The following PCDHA5 variants were observed in gnomAD, a reference collection of about 807,000 sequenced individuals.
PCDHA5 encodes the protein protocadherin alpha 5, also known as protocadherin alpha-5.
A neutral mutation model predicts 61.6 loss-of-function variants in PCDHA5; 43 were observed. The ratio of observed to expected loss-of-function variants is 0.70; its 90% confidence interval spans 0.55 to 0.90. The LOEUF is 0.90. Ranked by LOEUF, PCDHA5 falls within the 40% of genes least tolerant of loss-of-function variation. The pLI is 0.00. For missense variants in PCDHA5, 1,298 were observed against 1,222.7 expected, an observed-to-expected ratio of 1.06 and a Z score of -0.92; for synonymous variants, 627 against 543.9, an observed-to-expected ratio of 1.15 and a Z score of -2.13.
chr5:140,920,858 A>AG (rs2079893810), intron 1 of PCDHA5, among the ~76,000 whole-genome samples: 1 of 151,604 alleles, frequency 6.6e-6, no homozygotes, highest in African/African-American at 2.4e-5. Context: ...AAAAAAAAAA[A>AG]CAAACAAACT....
chr5:140,866,911 G>C (rs1359822435), intron 1 of PCDHA5: 4 of 152,102 alleles, frequency 2.6e-5, no homozygotes, highest in African/African-American at 9.7e-5. Context: ...GATCCTCAAA[G>C]ATGAGTTCAA....
intron 1 of PCDHA5, chr5:140,835,670 C>A: frequency 6.2e-7 from 1 of 1,613,852 alleles, no homozygotes; most frequent in Non-Finnish European, 8.5e-7. Flanking sequence ...CCGCGCGGGA[C>A]GGGGGCTCGC....
At position 140,883,630 on chromosome 5, in the gene PCDHA5, G is replaced by A. The variant is rs1424400219; in HGVS notation, c.2352+59503G>A. Reference sequence around the variant, plus strand: ...CCGACGTGAACGACAACGCGCCGGCGTTCGCGCAGCCCGAGTACACGGTGT... The same window carrying A: ...CCGACGTGAACGACAACGCGCCGGCATTCGCGCAGCCCGAGTACACGGTGT... On this transcript the variant is annotated intron_variant, in intron 1 of 3. Coordinates refer to ENST00000529859, the MANE Select transcript of PCDHA5 (RefSeq NM_018908.3). 3 of 1,613,848 alleles carry A rather than the reference G, an allele frequency of 1.9e-6. No individual in the cohort carries two copies. In the African/African-American group the frequency reaches 4.0e-5, roughly 22 times the overall value.
intron 1 of PCDHA5, among the ~76,000 whole-genome samples, chr5:140,898,022 T>A (rs1235447722): frequency 6.6e-6 from 1 of 152,202 alleles, no homozygotes; most frequent in Non-Finnish European, 1.5e-5. Flanking sequence ...CTTTGCCCAC[T>A]TTTTGATGGG....
At chr5:140,882,947 C>G in intron 1 of PCDHA5, 1 of 1,614,162 alleles carries the variant, frequency 6.2e-7, no homozygotes, top group Non-Finnish European at 8.5e-7. Context: ...TGGCACAGTT[C>G]AGCTGCTCAT....
At chr5:140,960,148 T>C (rs782110022) in intron 1 of PCDHA5, among the ~76,000 whole-genome samples, 16 of 152,198 alleles carry the variant, frequency 1.1e-4, no homozygotes, top group Admixed American at 4.6e-4. Context: ...ATTAATAGCT[T>C]GAGACTGATA....
Position 140,821,671 on chromosome 5 carries a change from C to T in PCDHA5, c.-105C>T. ...CCATTTTTGGCTGTGCCAAGAAGCT[C>T]AGAAAGGCGATAATATAAAAAATAT... is the stretch of plus-strand genomic sequence containing the variant. On this transcript the variant is annotated 5_prime_UTR_variant, in exon 1 of 4. Transcript: ENST00000529859. 3 of 1,291,108 alleles carry T rather than the reference C, an allele frequency of 2.3e-6. No homozygotes were observed. The highest frequency in any genetic ancestry group is 3.2e-6 in the Non-Finnish European group (3 of 939,070). 80.0% of individuals were successfully genotyped at this position (1,291,108 alleles called of 1,614,324 possible).
chr5:140,985,465 A>T (rs1195143465), intron 3 of PCDHA5, among the ~76,000 whole-genome samples: 1 of 152,126 alleles, frequency 6.6e-6, no homozygotes, highest in Non-Finnish European at 1.5e-5. Flanking sequence ...TGCTCCAAAA[A>T]ATTTGGTTGT....
At chr5:140,895,968 G>C (rs190056652) in intron 1 of PCDHA5, among the ~76,000 whole-genome samples, 4 of 151,938 alleles carry the variant, frequency 2.6e-5, no homozygotes, top group African/African-American at 4.8e-5. Flanking sequence ...CTGTCACCAG[G>C]CCTAGCTAAT....
rs559337177 is a variant in PCDHA5 at position 140,853,682 on chromosome 5, A to G, written c.2352+29555A>G. On this transcript the variant is annotated intron_variant, in intron 1 of 3. Transcript: ENST00000529859. ...ACAAATTGGGGCCTATGGTCAACCT[A>G]TCCTTAGACCTGCTAACGCATTAGC... 95 of 988,426 alleles carry G rather than the reference A, an allele frequency of 9.6e-5. 12 individuals are homozygous for G. The highest frequency in any genetic ancestry group is 1.1e-4 in the Non-Finnish European group (93 of 820,328). The allele number at this position is 988,426 out of a possible 1,614,324, so 61.2% of individuals were successfully genotyped here.
chr5:140,877,321 G>A (rs1554169599), intron 1 of PCDHA5: 2 of 1,614,000 alleles, frequency 1.2e-6, no homozygotes, highest in South Asian at 2.2e-5. Context: ...GGCGGCGGTC[G>A]GCGCGCACAT....
chr5:140,943,420 G>T (rs1197382156), intron 1 of PCDHA5, among the ~76,000 whole-genome samples: 1 of 152,040 alleles, frequency 6.6e-6, no homozygotes, highest in Non-Finnish European at 1.5e-5. Context: ...AGAGGCAAGG[G>T]CTTTAATATG....
chr5:140,957,736 C>T (rs1001757062), intron 1 of PCDHA5, among the ~76,000 whole-genome samples: 3 of 151,944 alleles, frequency 2.0e-5, no homozygotes, highest in Non-Finnish European at 4.4e-5. Context: ...ATTATATATA[C>T]TGACATGAAA....
intron 1 of PCDHA5, chr5:140,875,943 T>C (rs371245562): frequency 1.9e-6 from 3 of 1,614,072 alleles, no homozygotes; most frequent in African/African-American, 2.7e-5. Flanking sequence ...TAGAGGGCGC[T>C]TCTGATGCGG....
At chr5:140,959,676 A>G (rs2095505288) in intron 1 of PCDHA5, among the ~76,000 whole-genome samples, 1 of 152,246 alleles carries the variant, frequency 6.6e-6, no homozygotes, top group Non-Finnish European at 1.5e-5. Flanking sequence ...AATCATTTCT[A>G]AATAATTTCA....
intron 1 of PCDHA5, chr5:140,851,117 T>G: frequency 7.7e-7 from 1 of 1,306,460 alleles, no homozygotes; most frequent in Non-Finnish European, 9.9e-7. Flanking sequence ...TGAATCAATT[T>G]TATTTAAATT....
At chr5:140,983,517 G>A (rs1475712929) in intron 3 of PCDHA5, among the ~76,000 whole-genome samples, 2 of 152,196 alleles carry the variant, frequency 1.3e-5, no homozygotes, top group African/African-American at 4.8e-5. Flanking sequence ...TAGACACTGT[G>A]CCAAGTACAT....
At chr5:141,005,562 C>T (rs928721111) in intron 3 of PCDHA5, among the ~76,000 whole-genome samples, 2 of 151,226 alleles carry the variant, frequency 1.3e-5, no homozygotes, top group Admixed American at 6.6e-5. Flanking sequence ...ATTAGCCGGG[C>T]ATGGTGGCGC....
chr5:140,850,595 G>A (rs2150490707), intron 1 of PCDHA5: 2 of 1,598,512 alleles, frequency 1.3e-6, no homozygotes, highest in East Asian at 4.5e-5. Flanking sequence ...ACGTGTACCT[G>A]ATCATCGCCA....
Sources: gnomAD v4.1 joint callset for allele counts (sites outside exome capture counted in the v4.1 genomes callset) on GRCh38, gnomAD v4.1.1 for gene constraint, MANE v1.5 for transcripts, NCBI Gene and HGNC (gene_info 2026-07-23, HGNC 2026-07-21) for gene names.